The following NOL4 variants were observed in gnomAD, a reference collection of about 807,000 sequenced individuals.
NOL4 encodes the protein nucleolar protein 4.
NOL4 carries 17 observed loss-of-function variants against 75.9 expected under a neutral mutation model. The ratio of observed to expected loss-of-function variants is 0.22; its 90% confidence interval spans 0.15 to 0.34. The LOEUF (loss-of-function observed/expected upper bound fraction) is 0.34, where lower values mean the gene tolerates loss of function less well. NOL4 is among the 10% of genes least tolerant of loss of function. The pLI, the probability that NOL4 is intolerant of heterozygous loss-of-function variation, is 1.00. For missense variants in NOL4, 614 were observed against 793.5 expected, an observed-to-expected ratio of 0.77 and a Z score of 2.72; for synonymous variants, 292 against 289.9, an observed-to-expected ratio of 1.01 and a Z score of -0.07.
intron 2 of NOL4, among the ~76,000 whole-genome samples, chr18:34,127,922 T>C (rs2145888969): frequency 6.6e-6 from 1 of 151,918 alleles, no homozygotes; most frequent in Non-Finnish European, 1.5e-5. Context: ...GAGAGAATAT[T>C]CAAATAGGAC....
At chr18:33,952,919 CG>C (rs1269126103) in intron 8 of NOL4, among the ~76,000 whole-genome samples, 1 of 151,950 alleles carries the variant, frequency 6.6e-6, no homozygotes, top group Non-Finnish European at 1.5e-5. Flanking sequence ...AGTGAAACTC[CG>C]TCTCAAAAAA....
intron 9 of NOL4, among the ~76,000 whole-genome samples, chr18:33,937,000 G>A (rs574918711): frequency 6.6e-6 from 1 of 152,036 alleles, no homozygotes; most frequent in East Asian, 1.9e-4. Context: ...AATATATAGA[G>A]AAAAGAACCC....
chr18:34,115,462 C>G (rs1003748118), intron 2 of NOL4, among the ~76,000 whole-genome samples: 1 of 151,820 alleles, frequency 6.6e-6, no homozygotes, highest in Non-Finnish European at 1.5e-5. Flanking sequence ...CCATGCACAA[C>G]TAATTTTTAA....
Position 34,019,398 on chromosome 18 carries a change from T to G in NOL4, c.976A>C (p.Ser326Arg), listed in dbSNP as rs752695726. The G allele has an allele frequency of 3.1e-6, 5 of 1,614,012 alleles. No homozygotes were observed. In the South Asian group the frequency reaches 5.5e-5, roughly 18 times the overall value. ...TTCTTATACTTGTTTTTCCCATTAC[T>G]GTTGTGATCATCTATTCTGTATTCC... The part of the protein sequence containing the change: ...TSEYRIDDHN[S>R]NGKNKYKNLL... The change falls in exon 6 of 11, where the codon AGT becomes CGT. Residue 326 changes from serine (S) to arginine (R), a missense_variant. Physicochemically the swap from Ser to Arg is moderately radical, Grantham distance 110. This residue lies in a region of NOL4 where 196 missense variants were observed against 167.9 expected (regional missense o/e 1.17). Coordinates refer to ENST00000261592, the MANE Select transcript of NOL4 (RefSeq NM_003787.5).
chr18:33,878,964 A>G (rs964848002), intron 10 of NOL4, among the ~76,000 whole-genome samples: 1 of 152,118 alleles, frequency 6.6e-6, no homozygotes, highest in South Asian at 2.1e-4. Context: ...TACTGAAAAT[A>G]CTTTAAGGTT....
intron 6 of NOL4, among the ~76,000 whole-genome samples, chr18:33,982,188 T>C (rs1279532902): frequency 1.3e-5 from 2 of 151,928 alleles, no homozygotes; most frequent in African/African-American, 2.4e-5. Flanking sequence ...GTAACAAACA[T>C]AGTAGACATT....
At chr18:34,195,158 A>G (rs1455593753) in intron 1 of NOL4, among the ~76,000 whole-genome samples, 1 of 152,214 alleles carries the variant, frequency 6.6e-6, no homozygotes, top group Non-Finnish European at 1.5e-5. Flanking sequence ...AAATTAATGA[A>G]AAGTTTACAG....
intron 9 of NOL4, among the ~76,000 whole-genome samples, chr18:33,914,574 C>CT (rs1288824960): frequency 1.3e-5 from 2 of 151,938 alleles, no homozygotes; most frequent in African/African-American, 4.8e-5. Context: ...GGATGACTGG[C>CT]TAGGAAGTCA....
intron 5 of NOL4, among the ~76,000 whole-genome samples, chr18:34,047,341 G>T (rs2076425951): frequency 6.6e-6 from 1 of 151,974 alleles, no homozygotes; most frequent in Non-Finnish European, 1.5e-5. Context: ...TACATTACTA[G>T]CAGGATTTTA....
chr18:33,904,446 G>T (rs912052400), intron 9 of NOL4, among the ~76,000 whole-genome samples: 1 of 152,002 alleles, frequency 6.6e-6, no homozygotes, highest in African/African-American at 2.4e-5. Flanking sequence ...TGAACTAAGG[G>T]ATGGGAGGTC....
intron 1 of NOL4, among the ~76,000 whole-genome samples, chr18:34,207,024 AT>A (rs1361133378): frequency 6.6e-6 from 1 of 151,952 alleles, no homozygotes; most frequent in Middle Eastern, 3.2e-3. Context: ...AATTTTTATC[AT>A]GTATTTTTTA....
intron 1 of NOL4, among the ~76,000 whole-genome samples, chr18:34,159,006 C>T (rs2030958692): frequency 6.6e-6 from 1 of 152,156 alleles, no homozygotes; most frequent in East Asian, 1.9e-4. Flanking sequence ...GGGAGACAAG[C>T]GGTGGCAGCT....
chr18:33,873,642 TTAAG>T (rs1435217705), intron 10 of NOL4, among the ~76,000 whole-genome samples: 1 of 152,012 alleles, frequency 6.6e-6, no homozygotes, highest in Non-Finnish European at 1.5e-5. Flanking sequence ...TCAAGATCCC[TTAAG>T]AGGCATAATA....
At chr18:33,871,781 C>G (rs1432820330) in intron 10 of NOL4, among the ~76,000 whole-genome samples, 1 of 151,982 alleles carries the variant, frequency 6.6e-6, no homozygotes, top group Non-Finnish European at 1.5e-5. Flanking sequence ...CCAGAAAAGC[C>G]TGATCAATGT....
At chr18:34,101,853 A>G (rs1428273028) in intron 4 of NOL4, among the ~76,000 whole-genome samples, 1 of 151,960 alleles carries the variant, frequency 6.6e-6, no homozygotes, top group Non-Finnish European at 1.5e-5. Flanking sequence ...AAACCTTCTA[A>G]TGGCTCCCCA....
intron 1 of NOL4, among the ~76,000 whole-genome samples, chr18:34,148,635 T>G (rs543175687): frequency 3.2e-4 from 49 of 152,168 alleles, no homozygotes; most frequent in Middle Eastern, 3.4e-3. Context: ...TACTTCCAAT[T>G]ATGTGGTCAG....
chr18:34,114,114 A>T (rs1262089610), intron 2 of NOL4, among the ~76,000 whole-genome samples: 1 of 152,238 alleles, frequency 6.6e-6, no homozygotes, highest in East Asian at 1.9e-4. Context: ...TATGTAAAAT[A>T]CTATAATCAT....
intron 9 of NOL4, among the ~76,000 whole-genome samples, chr18:33,926,185 C>T (rs1165604622): frequency 6.6e-6 from 1 of 151,716 alleles, no homozygotes; most frequent in Non-Finnish European, 1.5e-5. Context: ...CATGGTGAAA[C>T]CCTGTCTCTA....
chr18:34,153,316 A>C (rs1277399521), intron 1 of NOL4, among the ~76,000 whole-genome samples: 1 of 151,894 alleles, frequency 6.6e-6, no homozygotes, highest in Non-Finnish European at 1.5e-5. Flanking sequence ...TCCTTAATTC[A>C]TATCCTCTTC....
Sources: allele counts gnomAD v4.1 joint callset (sites outside exome capture counted in the v4.1 genomes callset), GRCh38; gene constraint gnomAD v4.1.1; regional missense constraint gnomAD v4.1.1; transcripts MANE v1.5; gene names NCBI Gene and HGNC (gene_info 2026-07-23, HGNC 2026-07-21).